The following PLCH1 variants were observed in gnomAD, a reference collection of about 807,000 sequenced individuals.
PLCH1 encodes phospholipase C eta 1.
Under a neutral mutation model 126.7 loss-of-function variants are expected in PLCH1, and 60 were observed. The observed-to-expected ratio is 0.47, with a 90% CI of 0.38 to 0.59. PLCH1 has a LOEUF of 0.59. Among genes scored for constraint, PLCH1 ranks in the 20% least tolerant of loss-of-function variants. The pLI is 0.00. For synonymous variants in PLCH1, 719 were observed against 734.9 expected (o/e 0.98, Z 0.35); for missense variants, 1,723 against 2,040.0 (o/e 0.84, Z 2.99).
intron 2 of PLCH1, among the ~76,000 whole-genome samples, chr3:155,628,395 A>G (rs1190743989): frequency 6.6e-6 from 1 of 150,966 alleles, no homozygotes; most frequent in Non-Finnish European, 1.5e-5. Context: ...CCTCGAAGAC[A>G]CAGAGACACC....
chr3:155,570,556 A>G (rs1459141983), intron 6 of PLCH1, among the ~76,000 whole-genome samples: 2 of 152,236 alleles, frequency 1.3e-5, no homozygotes, highest in Non-Finnish European at 2.9e-5. Flanking sequence ...AATGCTGTCA[A>G]TGTGCAGTAA....
chr3:155,611,252 C>G (rs6787055), intron 2 of PLCH1, among the ~76,000 whole-genome samples: 73,740 of 151,646 alleles, frequency 0.49, 20,309 homozygotes, highest in African/African-American at 0.74. Flanking sequence ...AGCCAGGCAT[C>G]GTGGTGGAGT....
intron 2 of PLCH1, among the ~76,000 whole-genome samples, chr3:155,663,679 T>C (rs894432206): frequency 4.6e-5 from 7 of 152,172 alleles, no homozygotes; most frequent in African/African-American, 1.7e-4. Flanking sequence ...CAGCTATCCT[T>C]TGCACACAGT....
intron 2 of PLCH1, among the ~76,000 whole-genome samples, chr3:155,602,830 C>A (rs550362349): frequency 6.6e-6 from 1 of 152,160 alleles, no homozygotes; most frequent in African/African-American, 2.4e-5. Flanking sequence ...TCTACACACA[C>A]ACACATATAT....
rs1486943555 is a variant in PLCH1, at chr3:155,612,555, C to CA, written c.80-16178dup. Among the ~76,000 whole-genome samples, 9 of 151,008 alleles carry CA rather than the reference C, an allele frequency of 6.0e-5. No individual in the cohort carries two copies. In the South Asian group the frequency reaches 6.3e-4, roughly 11 times the overall value. On this transcript the variant is annotated intron_variant, in intron 2 of 22. Transcript: ENST00000460012. ...ACAACAAAAAAAAAAGATAAATGAA[C>CA]AAAAAGCTGGTTCTTTGAAATGATA...
At chr3:155,711,489 T>C (rs1747120403) in intron 1 of PLCH1, among the ~76,000 whole-genome samples, 1 of 152,108 alleles carries the variant, frequency 6.6e-6, no homozygotes, top group Non-Finnish European at 1.5e-5. Context: ...GTCAATACTT[T>C]TAAAACTCGA....
Position 155,460,818 on chromosome 3 carries a change from A to ATAGG in PLCH1, c.2938+24537_2938+24538insCCTA, listed in dbSNP as rs1440419176. Among the ~76,000 whole-genome samples the ATAGG allele has an allele frequency of 7.9e-5, 12 of 151,236 alleles. No homozygotes were observed. The East Asian group carries it at 2.3e-3, about 29-fold the overall frequency. ...GATAGATAGATAGATAGATAGATAG[A>ATAGG]TAGATAGATAGATAGATAGATAGAT... On this transcript the variant is annotated intron_variant, in intron 21 of 21. Coordinates refer to the PLCH1 transcript ENST00000494598.
intron 10 of PLCH1, among the ~76,000 whole-genome samples, chr3:155,537,871 C>T (rs1027257407): frequency 1.6e-4 from 25 of 152,058 alleles, no homozygotes; most frequent in African/African-American, 4.8e-4. Context: ...AAACAATGGA[C>T]TTAAACTATA....
chr3:155,488,850 G>A (rs773889491), intron 19 of PLCH1, 44 bp from the exon 20 acceptor site: 2 of 1,556,590 alleles, frequency 1.3e-6, no homozygotes, highest in Non-Finnish European at 1.7e-6. Context: ...CAAAGGACTT[G>A]GCTGAAAATG....
At chr3:155,588,792 G>GTAA (rs1731713873) in intron 4 of PLCH1, among the ~76,000 whole-genome samples, 2 of 152,104 alleles carry the variant, frequency 1.3e-5, no homozygotes, top group Non-Finnish European at 2.9e-5. Context: ...TGCTTACTTG[G>GTAA]CCTTGTGACA....
At chr3:155,724,589 T>C (rs1269689551) in intron 1 of PLCH1, among the ~76,000 whole-genome samples, 1 of 152,234 alleles carries the variant, frequency 6.6e-6, no homozygotes, top group African/African-American at 2.4e-5. Flanking sequence ...TCCATTTGCA[T>C]AGAATATCTT....
At position 155,704,133 on chromosome 3, in the gene PLCH1, A is replaced by G; in HGVS notation, c.79+13T>C. 5.2e-6 allele frequency: 6 copies of G among 1,157,278 alleles called. No individual in the cohort carries two copies. The highest frequency in any genetic ancestry group is 6.5e-6 in the Non-Finnish European group (6 of 919,946). 71.7% of individuals were successfully genotyped at this position (1,157,278 alleles called of 1,614,324 possible). On this transcript the variant is annotated intron_variant, in intron 2 of 22. Coordinates refer to ENST00000460012, the MANE Select transcript of PLCH1 (RefSeq NM_014996.4). Reference sequence around the variant, plus strand: ...TAAAAGATCCAACTACATAAATACAAGAGACAGCTTACCATGAAACACACT... The same window carrying G: ...TAAAAGATCCAACTACATAAATACAGGAGACAGCTTACCATGAAACACACT...
intron 1 of PLCH1, among the ~76,000 whole-genome samples, chr3:155,711,884 C>T (rs1188917194): frequency 6.6e-6 from 1 of 152,152 alleles, no homozygotes; most frequent in Non-Finnish European, 1.5e-5. Context: ...ACCTAAAGTT[C>T]CTGGCCACCA....
intron 8 of PLCH1, among the ~76,000 whole-genome samples, chr3:155,561,304 C>A (rs1259667337): frequency 7.7e-5 from 10 of 130,412 alleles, no homozygotes; most frequent in African/African-American, 2.9e-4. Flanking sequence ...CCACAACAGT[C>A]CCCAGAGTGT....
chr3:155,526,853 G>A (rs970040970), intron 10 of PLCH1, among the ~76,000 whole-genome samples: 2 of 152,188 alleles, frequency 1.3e-5, no homozygotes, highest in Non-Finnish European at 2.9e-5. Flanking sequence ...GATACCTAAC[G>A]TAAGCACCAA....
intron 1 of PLCH1, among the ~76,000 whole-genome samples, chr3:155,705,136 A>G (rs1375536129): frequency 6.6e-6 from 1 of 152,254 alleles, no homozygotes; most frequent in East Asian, 1.9e-4. Context: ...ACAGGTGGAA[A>G]ACAATTTGTC....
intron 12 of PLCH1, among the ~76,000 whole-genome samples, chr3:155,506,345 CTTT>C (rs57746252): frequency 1.3e-4 from 17 of 130,674 alleles, no homozygotes; most frequent in East Asian, 2.2e-4. Flanking sequence ...TTCTCACTCT[CTTT>C]TTTTTTTTTT....
intron 21 of PLCH1, chr3:155,486,284 A>G (rs892730820): frequency 1.2e-6 from 1 of 831,844 alleles, no homozygotes; most frequent in African/African-American, 1.7e-5. Flanking sequence ...AACACAAAAG[A>G]AAAAATGCAT....
At chr3:155,644,681 AAGG>A (rs902673028) in intron 2 of PLCH1, among the ~76,000 whole-genome samples, 4 of 152,174 alleles carry the variant, frequency 2.6e-5, no homozygotes, top group African/African-American at 4.8e-5. Context: ...CAATTTTTTG[AAGG>A]AGAAGGATAA....
Sources: gnomAD v4.1 joint callset for allele counts (sites outside exome capture counted in the v4.1 genomes callset) on GRCh38, gnomAD v4.1.1 for gene constraint, MANE v1.5 for transcripts, NCBI Gene and HGNC (gene_info 2026-07-23, HGNC 2026-07-21) for gene names.